The following ZNF582 variants were observed in gnomAD, a reference collection of about 807,000 sequenced individuals.
ZNF582 encodes zinc finger protein 582.
In ZNF582, 14 loss-of-function variants were observed where a neutral mutation model predicts 12.3. The ratio of observed to expected loss-of-function variants is 1.14; its 90% CI spans 0.75 to 1.78. The LOEUF (loss-of-function observed/expected upper bound fraction) is 1.78, where lower values mean the gene tolerates loss of function less well. Among genes scored for constraint, ZNF582 ranks in the 40% most tolerant of loss-of-function variants. The pLI, the probability that ZNF582 is intolerant of heterozygous loss-of-function variation, is 0.00. For missense variants in ZNF582, 567 were observed against 616.5 expected, an observed-to-expected ratio of 0.92 and a Z score of 0.85; for synonymous variants, 210 against 207.2, an observed-to-expected ratio of 1.01 and a Z score of -0.11.
exon 5 of ZNF582, chr19:56,385,096 G>T: frequency 6.2e-7 from 1 of 1,613,882 alleles, no homozygotes; most frequent in Non-Finnish European, 8.5e-7. Flanking sequence ...AACTTGTAAG[G>T]CTTTCCATTA....
Position 56,393,502 on chromosome 19 carries a change from T to G in ZNF582, c.-363A>C, listed in dbSNP as rs549407654. 27 of 505,842 alleles carry G rather than the reference T, an allele frequency of 5.3e-5. No homozygotes were observed. In the East Asian group the frequency reaches 1.4e-3, roughly 26 times the overall value. 31.3% of individuals were successfully genotyped at this position (505,842 alleles called of 1,614,324 possible). On this transcript the variant is annotated 5_prime_UTR_variant, in exon 1 of 5. Coordinates refer to ENST00000586929, the Ensembl canonical transcript of ZNF582. ...GCGCCCCCGGCAGCCCAGGGCGCGC[T>G]TCCACCACGGTACCGGTGGATTCGC...
At position 56,393,336 on chromosome 19, in the gene ZNF582, C is replaced by A. The variant is rs2042034040; in HGVS notation, c.-197G>T. Reference sequence around the variant, plus strand: ...TCACGCCGGTAAAGCCACAGAGCGACGATGAGGCGAGACGTCTGCGTTCTT... The same window carrying A: ...TCACGCCGGTAAAGCCACAGAGCGAAGATGAGGCGAGACGTCTGCGTTCTT... On this transcript the variant is annotated 5_prime_UTR_variant, in exon 1 of 5. Coordinates refer to ENST00000586929, the Ensembl canonical transcript of ZNF582. 3.7e-5 allele frequency: 41 copies of A among 1,097,916 alleles called. No individual in the cohort carries two copies. The Admixed American group carries it at 1.2e-3, about 33-fold the overall frequency. The allele number at this position is 1,097,916 out of a possible 1,614,324, so 68.0% of individuals were successfully genotyped here. A position where few individuals can be genotyped will look rare whatever the true frequency, so the allele number is the denominator to read the frequency against.
rs199615104 is a variant in ZNF582 at position 56,389,985 on chromosome 19, A to G, written c.232+16T>C. 2.2e-5 allele frequency: 35 copies of G among 1,610,944 alleles called. No individual in the cohort carries two copies. In the East Asian group the frequency reaches 3.1e-4, roughly 14 times the overall value. ...ACCTGCAGTGGCTGCTCCCTTCCCAATGATACCTCACTCACCTGGACACAG... is the reference window on the plus strand; with the variant it reads ...ACCTGCAGTGGCTGCTCCCTTCCCAGTGATACCTCACTCACCTGGACACAG... On this transcript the variant is annotated intron_variant, in intron 4 of 4. Coordinates refer to ENST00000586929, the Ensembl canonical transcript of ZNF582.
chr19:56,385,727 T>TTAAGACAG (rs1307651985), intron 4 of ZNF582, among the ~76,000 whole-genome samples: 63 of 152,098 alleles, frequency 4.1e-4, no homozygotes, highest in African/African-American at 1.5e-3. Flanking sequence ...ACAATATTTT[T>TTAAGACAG]TAAGACAGTA....
At chr19:56,382,964 C>G (rs942070500) in exon 5 of ZNF582, 1 of 152,160 alleles carries the variant, frequency 6.6e-6, no homozygotes, top group Non-Finnish European at 1.5e-5. Context: ...AGGAGGAAGT[C>G]TTCATGATAA....
chr19:56,390,330 C>G (rs1568787778), intron 3 of ZNF582, 45 bp downstream of exon 3: 1 of 1,612,906 alleles, frequency 6.2e-7, no homozygotes, highest in Non-Finnish European at 8.5e-7. Context: ...CAGGAAGGAA[C>G]ATGCCCAAGG....
intron 4 of ZNF582, among the ~76,000 whole-genome samples, chr19:56,389,701 A>G (rs151077032): frequency 2.6e-5 from 4 of 152,294 alleles, no homozygotes; most frequent in African/African-American, 9.6e-5. Flanking sequence ...ATTAAAATTA[A>G]TAAAAAAAGA....
chr19:56,383,899 A>G (rs762836143), exon 5 of ZNF582: 2 of 1,599,314 alleles, frequency 1.3e-6, no homozygotes, highest in Non-Finnish European at 1.7e-6. Context: ...TTCCATTCAT[A>G]TGGTTGCTTG....
At chr19:56,384,221 A>G (rs2041942910) in exon 5 of ZNF582, 1 of 1,612,140 alleles carries the variant, frequency 6.2e-7, no homozygotes, top group Non-Finnish European at 8.5e-7. Flanking sequence ...CCTACCACAT[A>G]CCTTACATTG....
At position 56,391,279 on chromosome 19, in the gene ZNF582, G is replaced by A. The variant is rs147200687; in HGVS notation, c.9+465C>T. Among the ~76,000 whole-genome samples, 412 of 152,272 alleles carry A rather than the reference G, an allele frequency of 2.7e-3. 2 individuals are homozygous for A. The highest frequency in any genetic ancestry group is 4.6e-3 in the Non-Finnish European group (310 of 68,022). On this transcript the variant is annotated intron_variant, in intron 2 of 4. Transcript: ENST00000586929. ...AGGATGTCCCAGATTCAAATGCTCT[G>A]TCCAACGTCAAACTAGACTTTAATT...
At chr19:56,391,621 G>A in intron 2 of ZNF582, 123 bp downstream of exon 2, 1 of 798,416 alleles carries the variant, frequency 1.3e-6, no homozygotes. Flanking sequence ...TGGGAGAGGA[G>A]ACTCCTGCCT....
chr19:56,385,713 T>C (rs1212285423), intron 4 of ZNF582, among the ~76,000 whole-genome samples: 2 of 151,020 alleles, frequency 1.3e-5, no homozygotes, highest in East Asian at 1.9e-4. Context: ...AGAATCACTA[T>C]TGAACAATAT....
At chr19:56,387,955 A>C (rs966979331) in intron 4 of ZNF582, among the ~76,000 whole-genome samples, 3 of 152,242 alleles carry the variant, frequency 2.0e-5, no homozygotes, top group Non-Finnish European at 2.9e-5. Context: ...GCGAAGATTT[A>C]TGACCTACTA....
At chr19:56,388,958 A>G (rs1001053163) in intron 4 of ZNF582, among the ~76,000 whole-genome samples, 7 of 152,122 alleles carry the variant, frequency 4.6e-5, no homozygotes, top group Non-Finnish European at 1.0e-4. Flanking sequence ...CACTGACCTC[A>G]GCCACAAGGG....
intron 4 of ZNF582, among the ~76,000 whole-genome samples, chr19:56,385,858 T>C (rs1272044589): frequency 1.3e-5 from 2 of 152,200 alleles, no homozygotes; most frequent in African/African-American, 4.8e-5. Context: ...ATGGAAATGT[T>C]CGCTATCTTG....
At chr19:56,388,356 A>G (rs917946348) in intron 4 of ZNF582, 1 of 152,280 alleles carries the variant, frequency 6.6e-6, no homozygotes, top group African/African-American at 2.4e-5. Context: ...CAAATGGTGA[A>G]AGGGAGAAAG....
intron 4 of ZNF582, chr19:56,387,547 A>C (rs139971143): frequency 3.0e-4 from 46 of 152,312 alleles, no homozygotes; most frequent in African/African-American, 1.1e-3. Flanking sequence ...TTAAAAAAAA[A>C]CTATATACAA....
exon 5 of ZNF582, chr19:56,384,413 C>A: frequency 6.3e-7 from 1 of 1,594,918 alleles, no homozygotes; most frequent in Non-Finnish European, 8.5e-7. Context: ...GAGTTTCCTG[C>A]CAGTATGAAC....
rs762175203 is a variant in ZNF582 at position 56,391,725 on chromosome 19, A to T, written c.9+19T>A. Reference sequence around the variant, plus strand: ...TTCAAGATAAGGAAAGCAAATATTTATGGGATTTAAAAACTCACAAGGGAC... The same window carrying T: ...TTCAAGATAAGGAAAGCAAATATTTTTGGGATTTAAAAACTCACAAGGGAC... On this transcript the variant is annotated intron_variant, in intron 2 of 4. Coordinates refer to ENST00000586929, the Ensembl canonical transcript of ZNF582. The T allele has an allele frequency of 5.6e-6, 9 of 1,607,972 alleles. No individual in the cohort carries two copies. Among genetic ancestry groups the T allele is most frequent in the Non-Finnish European group, 6.8e-6 (8 of 1,174,460 alleles).
Sources: allele counts gnomAD v4.1 joint callset (sites outside exome capture counted in the v4.1 genomes callset), GRCh38; gene constraint gnomAD v4.1.1; transcripts MANE v1.5; gene names NCBI Gene and HGNC (gene_info 2026-07-23, HGNC 2026-07-21).